Variants in TMPRSS15 observed in about 807,000 individuals in gnomAD.
TMPRSS15 encodes the protein enteropeptidase.
In TMPRSS15, 128 loss-of-function variants were observed where a neutral mutation model predicts 125.3. The ratio of observed to expected loss-of-function variants is 1.02; its 90% CI spans 0.89 to 1.18. The LOEUF (loss-of-function observed/expected upper bound fraction) is 1.18. TMPRSS15 is among the 50% of genes most tolerant of loss of function. The probability of loss-of-function intolerance (pLI) is 0.00; values close to 1 mark genes in which losing one functional copy is unlikely to be tolerated. For missense variants in TMPRSS15, 1,283 were observed against 1,212.7 expected, an observed-to-expected ratio of 1.06 and a Z score of -0.86; for synonymous variants, 446 against 423.2, an observed-to-expected ratio of 1.05 and a Z score of -0.66.
rs1165807598 is a variant in TMPRSS15, at chr21:18,398,184, C to T, written c.276+15G>A. On this transcript the variant is annotated intron_variant, in intron 2 of 24. Transcript: ENST00000284885. The stretch of plus-strand genomic sequence containing the variant: ...ACTGTGTTATAAAATTTGAAACCAG[C>T]TGTCAGTCTCCTACCATTTGCTGAA... 1.9e-6 allele frequency: 3 copies of T among 1,613,580 alleles called. No individual in the cohort carries two copies. The highest frequency in any genetic ancestry group is 2.2e-5 in the East Asian group (1 of 44,840).
chr21:18,406,434 A>G (rs2076152098), upstream of TMPRSS15, among the ~76,000 whole-genome samples: 1 of 152,152 alleles, frequency 6.6e-6, no homozygotes, highest in Non-Finnish European at 1.5e-5. Flanking sequence ...AATAGCTGCT[A>G]TGGCTTACAA....
intron 19 of TMPRSS15, among the ~76,000 whole-genome samples, chr21:18,295,138 T>C (rs2074888225): frequency 6.6e-6 from 1 of 152,204 alleles, no homozygotes; most frequent in South Asian, 2.1e-4. Context: ...GGCTGTGTGC[T>C]TCATTCAGGG....
chr21:18,414,101 A>G (rs1042581285), intron 1 of TMPRSS15, among the ~76,000 whole-genome samples: 2 of 152,224 alleles, frequency 1.3e-5, no homozygotes, highest in African/African-American at 4.8e-5. Context: ...GACTGTCATT[A>G]GAATGTTAAG....
At chr21:18,388,728 T>C (rs1023674090) in intron 3 of TMPRSS15, among the ~76,000 whole-genome samples, 2 of 152,200 alleles carry the variant, frequency 1.3e-5, no homozygotes, top group Non-Finnish European at 2.9e-5. Flanking sequence ...ATTCGTTTCA[T>C]TCACCACAAC....
At chr21:18,276,442 A>G (rs2146858641) in intron 23 of TMPRSS15, among the ~76,000 whole-genome samples, 1 of 152,344 alleles carries the variant, frequency 6.6e-6, no homozygotes, top group African/African-American at 2.4e-5. Flanking sequence ...AAGAAAATGA[A>G]TTGCAGAGAT....
intron 1 of TMPRSS15, among the ~76,000 whole-genome samples, chr21:18,446,522 A>G (rs1369651731): frequency 6.6e-6 from 1 of 152,220 alleles, no homozygotes; most frequent in Non-Finnish European, 1.5e-5. Flanking sequence ...ACAAAGCTAG[A>G]AGCAACATAC....
chr21:18,463,186 A>G (rs1051312186), intron 1 of TMPRSS15, among the ~76,000 whole-genome samples: 1 of 147,962 alleles, frequency 6.8e-6, no homozygotes, highest in Non-Finnish European at 1.5e-5. Flanking sequence ...TTTCACGTGC[A>G]AAAACACGCA....
chr21:18,331,745 G>C (rs1369081657), intron 14 of TMPRSS15, among the ~76,000 whole-genome samples: 4 of 152,124 alleles, frequency 2.6e-5, no homozygotes, highest in African/African-American at 7.2e-5. Flanking sequence ...CAAGGAGAGT[G>C]ATTTAGAAAG....
chr21:18,460,165 A>T (rs1978525183), intron 1 of TMPRSS15, among the ~76,000 whole-genome samples: 1 of 152,066 alleles, frequency 6.6e-6, no homozygotes, highest in Non-Finnish European at 1.5e-5. Context: ...GCCTCATTGC[A>T]TTGGATTGAA....
rs2074532444 is a variant in TMPRSS15, at chr21:18,269,846, C to CA, written c.*122dup. 1.1e-5 allele frequency: 13 copies of CA among 1,231,550 alleles called. No individual in the cohort carries two copies. Among genetic ancestry groups the CA allele is most frequent in the Non-Finnish European group, 1.5e-5 (13 of 872,334 alleles). 76.3% of individuals were successfully genotyped at this position (1,231,550 alleles called of 1,614,324 possible). A position where few individuals can be genotyped will look rare whatever the true frequency, so the allele number is the denominator to read the frequency against. ...CCCTGGCCCCCTAGCATTTCATTGACATAGGTAAGAATAAAAACCTTTGGT... is the reference window on the plus strand; with the variant it reads ...CCCTGGCCCCCTAGCATTTCATTGACAATAGGTAAGAATAAAAACCTTTGGT... On this transcript the variant is annotated 3_prime_UTR_variant, in exon 25 of 25. Coordinates refer to ENST00000284885, the MANE Select transcript of TMPRSS15 (RefSeq NM_002772.3).
Position 18,269,901 on chromosome 21 carries a change from T to TA in TMPRSS15, c.*67dup. 1 of 1,585,570 alleles carries TA rather than the reference T, an allele frequency of 6.3e-7. No individual in the cohort carries two copies. Among genetic ancestry groups the TA allele is most frequent in the Non-Finnish European group, 8.6e-7 (1 of 1,161,252 alleles). On this transcript the variant is annotated 3_prime_UTR_variant, in exon 25 of 25. Coordinates refer to ENST00000284885, the MANE Select transcript of TMPRSS15 (RefSeq NM_002772.3). ...TTTTAAAATTTTTGTACGAAACACT[T>TA]AATTTCCATGCTTTCTAGAGTAGAA...
intron 1 of TMPRSS15, among the ~76,000 whole-genome samples, chr21:18,436,377 A>T (rs1465817408): frequency 6.6e-6 from 1 of 151,938 alleles, no homozygotes; most frequent in Non-Finnish European, 1.5e-5. Flanking sequence ...TTCTGCCTTC[A>T]TTTCGTTATG....
At chr21:18,358,742 G>A (rs1012287382) in intron 8 of TMPRSS15, among the ~76,000 whole-genome samples, 1 of 151,774 alleles carries the variant, frequency 6.6e-6, no homozygotes, top group Non-Finnish European at 1.5e-5. Flanking sequence ...ATATTTTGCA[G>A]GTTTGTTGAA....
chr21:18,379,317 G>T lies in TMPRSS15; in HGVS notation c.498C>A (p.Asp166Glu). ...CCAGATGACTGGTGGTTGTTAGCTT[G>T]TCTGAAAAATAAATTATATTAAAAT... ...HIDLNSVDIL[D>E]KLTTTSHLAT... is the part of the protein sequence containing the mutation. The change falls in exon 5 of 25, where the codon GAC becomes GAA. Residue 166 changes from aspartate to glutamate, a missense_variant and splice_region_variant. Transcript: ENST00000284885. The T allele has an allele frequency of 3.1e-6, 4 of 1,303,012 alleles. No individual in the cohort carries two copies. Among genetic ancestry groups the T allele is most frequent in the Non-Finnish European group, 4.0e-6 (4 of 989,736 alleles). 80.7% of individuals were successfully genotyped at this position (1,303,012 alleles called of 1,614,324 possible).
intron 3 of TMPRSS15, among the ~76,000 whole-genome samples, chr21:18,393,010 C>A (rs1601431644): frequency 6.6e-6 from 1 of 152,190 alleles, no homozygotes; most frequent in East Asian, 1.9e-4. Flanking sequence ...GACACAGAGC[C>A]ATATCACCCA....
At chr21:18,423,706 G>A (rs9976010) in intron 1 of TMPRSS15, among the ~76,000 whole-genome samples, 7,444 of 151,052 alleles carry the variant, frequency 0.049, 316 homozygotes, top group African/African-American at 0.11. Flanking sequence ...CTGAGCCACC[G>A]CGCCCGGCCT....
intron 5 of TMPRSS15, among the ~76,000 whole-genome samples, chr21:18,376,918 T>C (rs765667186): frequency 3.3e-4 from 50 of 152,212 alleles, no homozygotes; most frequent in South Asian, 1.0e-3. Context: ...ATCAGGTATA[T>C]GATGCATGCA....
chr21:18,285,625 CAT>C (rs1159505100), intron 21 of TMPRSS15, among the ~76,000 whole-genome samples: 1 of 152,176 alleles, frequency 6.6e-6, no homozygotes, highest in African/African-American at 2.4e-5. Context: ...GTTTCTGAAA[CAT>C]AGTGTTGTTG....
chr21:18,369,593 T>C (rs1443758340), intron 6 of TMPRSS15, among the ~76,000 whole-genome samples: 1 of 151,938 alleles, frequency 6.6e-6, no homozygotes, highest in Non-Finnish European at 1.5e-5. Flanking sequence ...AGTATGACTA[T>C]CAATAACACA....
Sources: allele counts gnomAD v4.1 joint callset (sites outside exome capture counted in the v4.1 genomes callset), GRCh38; gene constraint gnomAD v4.1.1; transcripts MANE v1.5; gene names NCBI Gene and HGNC (gene_info 2026-07-23, HGNC 2026-07-21).